Variants in SYNJ2 observed in about 807,000 individuals in gnomAD.
SYNJ2 encodes the protein synaptojanin 2, also known as polyphosphatidylinositol phosphatase SYNJ2.
A neutral mutation model predicts 141.3 loss-of-function variants in SYNJ2; 116 were observed. The ratio of observed to expected loss-of-function variants is 0.82; its 90% CI spans 0.71 to 0.96. The LOEUF (loss-of-function observed/expected upper bound fraction) is 0.96. SYNJ2 is among the 40% of genes least tolerant of loss of function. The pLI is 0.00. For synonymous variants in SYNJ2, 745 were observed against 777.7 expected (o/e 0.96, Z 0.70); for missense variants, 1,873 against 1,934.8 (o/e 0.97, Z 0.60).
intron 3 of SYNJ2, among the ~76,000 whole-genome samples, chr6:158,029,998 A>G (rs932383502): frequency 3.3e-5 from 5 of 152,122 alleles, no homozygotes; most frequent in Admixed American, 6.5e-5. Context: ...AGTCCCATCA[A>G]TGGGGAAGCT....
At chr6:158,023,852 G>T (rs982587657) in intron 2 of SYNJ2, among the ~76,000 whole-genome samples, 17 of 152,316 alleles carry the variant, frequency 1.1e-4, no homozygotes, top group African/African-American at 4.1e-4. Flanking sequence ...TTTAATTGGG[G>T]TATCAGCTGA....
chr6:158,072,396 C>T (rs372825082), intron 15 of SYNJ2, among the ~76,000 whole-genome samples: 5 of 152,340 alleles, frequency 3.3e-5, no homozygotes, highest in South Asian at 2.1e-4. Flanking sequence ...CAAATCTAGA[C>T]GTTAATGTTC....
intron 4 of SYNJ2, among the ~76,000 whole-genome samples, chr6:158,038,839 A>T (rs2128341639): frequency 6.6e-6 from 1 of 152,334 alleles, no homozygotes; most frequent in African/African-American, 2.4e-5. Context: ...GAGGGGAAGC[A>T]CAGCAGAGCC....
intron 1 of SYNJ2, among the ~76,000 whole-genome samples, chr6:157,987,645 G>A (rs1055894445): frequency 3.8e-4 from 58 of 151,760 alleles, no homozygotes; most frequent in African/African-American, 1.3e-3. Context: ...CAAGTGATCC[G>A]CCCGCCTCGG....
chr6:157,989,963 G>A (rs1024218325), intron 1 of SYNJ2, among the ~76,000 whole-genome samples: 7 of 152,190 alleles, frequency 4.6e-5, no homozygotes, highest in Admixed American at 1.3e-4. Context: ...CCTTGCCCTG[G>A]GGGGCACTGG....
chr6:158,033,371 G>A lies in SYNJ2; in HGVS notation c.486-84G>A. The A allele has an allele frequency of 8.1e-6, 12 of 1,483,252 alleles. No homozygotes were observed. In the South Asian group the frequency reaches 1.4e-4, roughly 17 times the overall value. The allele number at this position is 1,483,252 out of a possible 1,614,324, so 91.9% of individuals were successfully genotyped here. On this transcript the variant is annotated intron_variant, in intron 3 of 26. Transcript: ENST00000355585. The stretch of plus-strand genomic sequence containing the variant: ...GAAATGCTGCACCGTGCGCCCCCCA[G>A]TTCCTCAGCCACACTCGCTGTCCAG...
Position 158,064,660 on chromosome 6 carries a change from T to C in SYNJ2, c.1269T>C (p.Phe423=). Residue 423 remains phenylalanine, a synonymous_variant, in exon 10 of 27, where the codon TTT becomes TTC. Transcript: ENST00000355585. ...GTTCAAAACCCATCGTTGACCGCTTTGTGGAGTCCTTCAAAGCCATGTGGT... is the reference window on the plus strand; with the variant it reads ...GTTCAAAACCCATCGTTGACCGCTTCGTGGAGTCCTTCAAAGCCATGTGGT... ...GLSSKPIVDR[F]VESFKAMWSL... The C allele has an allele frequency of 6.2e-7, 1 of 1,614,132 alleles. No individual in the cohort carries two copies. The highest frequency in any genetic ancestry group is 8.5e-7 in the Non-Finnish European group (1 of 1,180,036).
At chr6:158,057,907 A>G (rs564584976) in intron 6 of SYNJ2, among the ~76,000 whole-genome samples, 11 of 152,354 alleles carry the variant, frequency 7.2e-5, no homozygotes, top group African/African-American at 2.2e-4. Flanking sequence ...CTGGAGCTGC[A>G]CGTGGAGACG....
intron 8 of SYNJ2, among the ~76,000 whole-genome samples, chr6:158,063,009 C>T (rs922261238): frequency 3.3e-5 from 5 of 152,038 alleles, no homozygotes; most frequent in African/African-American, 9.7e-5. Flanking sequence ...ACAGTGCTGT[C>T]GGCCATGGTT....
chr6:158,059,437 G>A, intron 7 of SYNJ2, 84 bp downstream of exon 7: 2 of 1,531,062 alleles, frequency 1.3e-6, no homozygotes, highest in East Asian at 4.9e-5. Flanking sequence ...GGCTCCTGCA[G>A]GGACTGGAGC....
chr6:158,081,096 G>C lies in SYNJ2; in HGVS notation c.2568-13G>C, dbSNP rs775160072. The C allele has an allele frequency of 6.2e-7, 1 of 1,613,014 alleles. No homozygotes were observed. Among genetic ancestry groups the C allele is most frequent in the South Asian group, 1.1e-5 (1 of 91,030 alleles). On this transcript the variant is annotated splice_polypyrimidine_tract_variant and intron_variant, in intron 18 of 26. Coordinates refer to ENST00000355585, the MANE Select transcript of SYNJ2 (RefSeq NM_003898.4). ...CCAGGCTAACTGTCATCCCTCTTTT[G>C]TTCCTAACGCAGACCTGTGCTGGCG...
chr6:158,049,276 G>A (rs145699851), intron 5 of SYNJ2, among the ~76,000 whole-genome samples: 1 of 152,174 alleles, frequency 6.6e-6, no homozygotes, highest in Non-Finnish European at 1.5e-5. Flanking sequence ...GCTACAAAAT[G>A]CAGTGACAGT....
At chr6:157,987,851 T>C (rs2128313791) in intron 1 of SYNJ2, among the ~76,000 whole-genome samples, 1 of 152,388 alleles carries the variant, frequency 6.6e-6, no homozygotes, top group African/African-American at 2.4e-5. Context: ...TGGCATGAAC[T>C]GATTCTGAGA....
chr6:158,021,111 C>A (rs1397909869), intron 2 of SYNJ2, among the ~76,000 whole-genome samples: 3 of 152,152 alleles, frequency 2.0e-5, no homozygotes, highest in East Asian at 3.9e-4. Flanking sequence ...ATGATTATAG[C>A]AATTTAAATT....
At chr6:158,022,702 A>T (rs1347543325) in intron 2 of SYNJ2, among the ~76,000 whole-genome samples, 1 of 152,162 alleles carries the variant, frequency 6.6e-6, no homozygotes, top group Non-Finnish European at 1.5e-5. Flanking sequence ...GAGATCCTTG[A>T]TGGTTTCAGG....
At chr6:158,087,183 C>G (rs888536610) in intron 23 of SYNJ2, among the ~76,000 whole-genome samples, 194 bp downstream of exon 23, 2 of 152,190 alleles carry the variant, frequency 1.3e-5, no homozygotes, top group Admixed American at 6.5e-5. Flanking sequence ...TTTCTCATGG[C>G]AAATGAAACA....
intron 1 of SYNJ2, among the ~76,000 whole-genome samples, chr6:158,009,010 G>A (rs1778168256): frequency 2.0e-5 from 3 of 152,186 alleles, no homozygotes; most frequent in Admixed American, 2.0e-4. Flanking sequence ...GGTCAGGAGT[G>A]CTTCTGCCGC....
chr6:158,077,245 C>T (rs988678710), intron 17 of SYNJ2, among the ~76,000 whole-genome samples: 7 of 152,120 alleles, frequency 4.6e-5, no homozygotes, highest in African/African-American at 1.7e-4. Flanking sequence ...CTGCCCACCT[C>T]GGCCTCCCAA....
intron 5 of SYNJ2, among the ~76,000 whole-genome samples, chr6:158,051,754 G>A (rs11756775): frequency 9.1e-4 from 136 of 149,854 alleles, no homozygotes; most frequent in Non-Finnish European, 1.6e-3. Flanking sequence ...CAAGACCAAC[G>A]TGGGCAGCAT....
Sources: gnomAD v4.1 joint callset for allele counts (sites outside exome capture counted in the v4.1 genomes callset) on GRCh38, gnomAD v4.1.1 for gene constraint, MANE v1.5 for transcripts, NCBI Gene and HGNC (gene_info 2026-07-23, HGNC 2026-07-21) for gene names.